The following NID2 variants were observed in gnomAD, a reference collection of about 807,000 sequenced individuals.
The protein encoded by NID2 is nidogen-2.
Under a neutral mutation model 145.4 loss-of-function variants are expected in NID2, and 83 were observed. The ratio of observed to expected loss-of-function variants is 0.57; its 90% confidence interval spans 0.48 to 0.69. NID2 has a LOEUF of 0.69. Ranked by LOEUF, NID2 falls within the 30% of genes least tolerant of loss-of-function variation. The pLI, the probability that NID2 is intolerant of heterozygous loss-of-function variation, is 0.00. For synonymous variants in NID2, 739 were observed against 701.3 expected (o/e 1.05, Z -0.85); for missense variants, 1,807 against 1,765.7 (o/e 1.02, Z -0.42).
chr14:52,034,606 GA>G (rs1437733589), intron 9 of NID2, among the ~76,000 whole-genome samples: 1 of 152,168 alleles, frequency 6.6e-6, no homozygotes, highest in Non-Finnish European at 1.5e-5. Flanking sequence ...TCGCATCCTA[GA>G]AAAGAGTCTA....
chr14:52,039,942 TTTTTGG>T (rs1566762157), intron 8 of NID2, among the ~76,000 whole-genome samples: 1 of 152,132 alleles, frequency 6.6e-6, no homozygotes, highest in Non-Finnish European at 1.5e-5. Flanking sequence ...ATCTCTGTGT[TTTTTGG>T]TTTTGTTTTT....
chr14:52,033,707 TTTTG>T (rs764096522), intron 9 of NID2, among the ~76,000 whole-genome samples: 19 of 152,358 alleles, frequency 1.2e-4, no homozygotes, highest in African/African-American at 2.2e-4. Flanking sequence ...GGTGTTTCTT[TTTTG>T]TTTTTCTTTT....
intron 9 of NID2, among the ~76,000 whole-genome samples, chr14:52,035,854 G>GTATATATATATATA (rs1222696644): frequency 2.8e-5 from 1 of 36,074 alleles, no homozygotes; most frequent in Non-Finnish European, 5.9e-5. Context: ...AAATTTTTTT[G>GTATATATATATATA]TGTATATATA....
At chr14:52,019,681 G>T (rs1450486560) in intron 13 of NID2, among the ~76,000 whole-genome samples, 1 of 152,194 alleles carries the variant, frequency 6.6e-6, no homozygotes, top group Non-Finnish European at 1.5e-5. Context: ...ACTGCACCAA[G>T]CTAGCCAAGC....
rs994526138 is a variant in NID2, at chr14:52,054,134, C to T, written c.955G>A (p.Asp319Asn). 1.5e-5 allele frequency: 25 copies of T among 1,614,014 alleles called. No individual in the cohort carries two copies. The highest frequency in any genetic ancestry group is 4.0e-5 in the African/African-American group (3 of 74,902). ...TATTCAGCTTCCTCCTCATTCACAT[C>T]ATAGTAATCCAAATTGTCCTCATTA... Reference protein sequence around the residue: ...DYNEDNLDYYDVNEEEAEYLP... With the variant: ...DYNEDNLDYYNVNEEEAEYLP... The change falls in exon 4 of 22, where the codon GAT (aspartate) becomes AAT (asparagine). Residue 319 changes from aspartate (D) to asparagine (N), a missense_variant. Asp to Asn is a conservative substitution (Grantham distance 23). Transcript: ENST00000216286.
intron 9 of NID2, among the ~76,000 whole-genome samples, chr14:52,033,877 G>C (rs528318595): frequency 3.1e-4 from 47 of 152,274 alleles, no homozygotes; most frequent in African/African-American, 1.1e-3. Context: ...AGAGCCATGA[G>C]GGGTAAGGGT....
intron 12 of NID2, 109 bp from the exon 13 acceptor site, chr14:52,020,287 G>A (rs1280135525): frequency 1.3e-5 from 20 of 1,522,314 alleles, no homozygotes; most frequent in Non-Finnish European, 1.8e-5. Context: ...CCAGTGAGGT[G>A]TCAGCTTCAG....
rs2273431 is a variant in NID2, at chr14:52,029,689, C to T, written c.2259G>A (p.Glu753=). The T allele has an allele frequency of 0.91, 1,472,494 of 1,612,842 alleles. 673,920 individuals carry two copies. The highest frequency in any genetic ancestry group is 0.96 in the East Asian group (43,268 of 44,858). ...GATTCCCCGGAGTGGGGTCTGAATCCTCTGCATGAGTAGAGGGGAAATAAA... is the reference window on the plus strand; with the variant it reads ...GATTCCCCGGAGTGGGGTCTGAATCTTCTGCATGAGTAGAGGGGAAATAAA... ...AVTNQIGPVK[E]DSDPTPGNPC... The change falls in exon 10 of 22, where the codon GAG becomes GAA. Residue 753 remains glutamate, a splice_region_variant and synonymous_variant. Transcript: ENST00000216286.
At chr14:52,050,253 ACT>A (rs1004711608) in intron 5 of NID2, among the ~76,000 whole-genome samples, 3 of 151,470 alleles carry the variant, frequency 2.0e-5, no homozygotes, top group African/African-American at 7.3e-5. Flanking sequence ...CTCACTGGCA[ACT>A]CTCTCACCCC....
At position 52,019,281 on chromosome 14, in the gene NID2, G is replaced by C. The variant is rs142113804; in HGVS notation, c.2808C>G (p.Ser936Arg). Residue 936 changes from serine to arginine, a missense_variant, in exon 14 of 22, where the codon AGC becomes AGG. Coordinates refer to ENST00000216286, the MANE Select transcript of NID2 (RefSeq NM_007361.4). ...GCTGCTGTTGTTCACAGGGTGTCAG[G>C]CTTGAGGTGGAGTCTTCCAGGATCA... is the stretch of plus-strand genomic sequence containing the variant. ...GFQCIPDSTS[S>R]LTPCEQQQRH... 90 of 1,588,520 alleles carry C rather than the reference G, an allele frequency of 5.7e-5. No individual in the cohort carries two copies. The African/African-American group carries it at 1.1e-3, about 19-fold the overall frequency.
At chr14:52,026,160 T>C (rs1305543428) in intron 12 of NID2, among the ~76,000 whole-genome samples, 1 of 152,194 alleles carries the variant, frequency 6.6e-6, no homozygotes, top group East Asian at 1.9e-4. Flanking sequence ...ACTCAGCCCA[T>C]CCTGCTGAAA....
intron 17 of NID2, 88 bp from the exon 18 acceptor site, chr14:52,011,135 G>A (rs958517286): frequency 1.3e-5 from 17 of 1,317,232 alleles, no homozygotes; most frequent in Non-Finnish European, 1.8e-5. Flanking sequence ...GGGCAGGGGG[G>A]TCAGCAGGGG....
intron 9 of NID2, among the ~76,000 whole-genome samples, chr14:52,038,324 C>G (rs1012715251): frequency 6.6e-6 from 1 of 152,174 alleles, no homozygotes; most frequent in South Asian, 2.1e-4. Context: ...AAATTCTTCT[C>G]ATCTGTTTTA....
At chr14:52,028,260 G>A (rs991484110) in intron 11 of NID2, among the ~76,000 whole-genome samples, 2 of 131,362 alleles carry the variant, frequency 1.5e-5, no homozygotes, top group East Asian at 2.4e-4. Flanking sequence ...CCATAGCTTT[G>A]AGAGATTTTG....
intron 16 of NID2, chr14:52,011,919 G>T: frequency 2.1e-6 from 1 of 474,436 alleles, no homozygotes; most frequent in Non-Finnish European, 3.8e-6. Flanking sequence ...GCAAAATGAG[G>T]CCAATAGTGT....
intron 5 of NID2, among the ~76,000 whole-genome samples, chr14:52,050,992 T>C (rs1034539604): frequency 6.6e-6 from 1 of 152,160 alleles, no homozygotes; most frequent in African/African-American, 2.4e-5. Context: ...ACTTTTTGAC[T>C]TGACAACAAA....
intron 9 of NID2, among the ~76,000 whole-genome samples, chr14:52,030,525 AAAGAAAGAAAG>A (rs1226874494): frequency 4.4e-5 from 2 of 45,366 alleles, no homozygotes; most frequent in African/African-American, 1.5e-4. Context: ...GAAAAGAAAG[AAAGAAAGAAAG>A]AAAGAAAGAA....
chr14:52,035,624 C>T (rs1337526120), intron 9 of NID2, among the ~76,000 whole-genome samples: 1 of 151,946 alleles, frequency 6.6e-6, no homozygotes, highest in African/African-American at 2.4e-5. Context: ...CAGGTGTAAG[C>T]CACTGTACCC....
chr14:52,040,976 T>C lies in NID2; in HGVS notation c.1826-125A>G. On this transcript the variant is annotated intron_variant, in intron 7 of 21. Coordinates refer to ENST00000216286, the MANE Select transcript of NID2 (RefSeq NM_007361.4). ...TCGTGCCTAAGGAGATTATCTGATA[T>C]CTGAGAGTAAGCACTATCAGCTGTT... is the stretch of plus-strand genomic sequence containing the variant. 5.1e-6 allele frequency: 4 copies of C among 790,210 alleles called. 1 individual carries two copies. Among genetic ancestry groups the C allele is most frequent in the East Asian group, 5.2e-5 (2 of 38,532 alleles). 48.9% of individuals were successfully genotyped at this position (790,210 alleles called of 1,614,324 possible).
Sources: allele counts gnomAD v4.1 joint callset (sites outside exome capture counted in the v4.1 genomes callset), GRCh38; gene constraint gnomAD v4.1.1; transcripts MANE v1.5; gene names NCBI Gene and HGNC (gene_info 2026-07-23, HGNC 2026-07-21).